Variants in HIBCH observed in about 807,000 individuals in gnomAD.
HIBCH encodes 3-hydroxyisobutyryl-CoA hydrolase, mitochondrial.
A neutral mutation model predicts 58.2 loss-of-function variants in HIBCH; 50 were observed. The ratio of observed to expected loss-of-function variants is 0.86; its 90% confidence interval spans 0.68 to 1.09. The LOEUF is 1.09. Ranked by LOEUF, HIBCH falls within the 50% of genes least tolerant of loss-of-function variation. The probability of loss-of-function intolerance (pLI) is 0.00; values close to 1 mark genes in which losing one functional copy is unlikely to be tolerated. For missense variants in HIBCH, 450 were observed against 449.7 expected, an observed-to-expected ratio of 1.00 and a Z score of -0.01; for synonymous variants, 151 against 146.9, an observed-to-expected ratio of 1.03 and a Z score of -0.20.
At chr2:190,308,398 T>C (rs1378355810) in intron 2 of HIBCH, among the ~76,000 whole-genome samples, 1 of 152,240 alleles carries the variant, frequency 6.6e-6, no homozygotes, top group Non-Finnish European at 1.5e-5. Context: ...ATCCACACTG[T>C]GGCAATACTA....
intron 10 of HIBCH, among the ~76,000 whole-genome samples, chr2:190,245,811 G>A (rs537692307): frequency 1.4e-4 from 21 of 152,180 alleles, no homozygotes; most frequent in Non-Finnish European, 2.4e-4. Context: ...CCAACATGGC[G>A]AAACCCTGTC....
At chr2:190,308,256 A>C (rs546632502) in intron 2 of HIBCH, among the ~76,000 whole-genome samples, 1 of 152,140 alleles carries the variant, frequency 6.6e-6, no homozygotes, top group Admixed American at 6.5e-5. Flanking sequence ...CTTATGTCTG[A>C]GTCACTGACA....
intron 9 of HIBCH, among the ~76,000 whole-genome samples, chr2:190,248,383 G>A (rs1686670998): frequency 6.6e-6 from 1 of 152,084 alleles, no homozygotes; most frequent in Admixed American, 6.5e-5. Context: ...GGATGCAGCG[G>A]TTCTGCAAGC....
At chr2:190,275,549 C>T (rs1687525007) in intron 6 of HIBCH, among the ~76,000 whole-genome samples, 1 of 152,020 alleles carries the variant, frequency 6.6e-6, no homozygotes. Context: ...CCTATCAGAG[C>T]AATATGAATT....
rs180919961 is a variant in HIBCH at position 190,259,080 on chromosome 2, G to C, written c.517+2076C>G. 3.0e-3 allele frequency among the ~76,000 whole-genome samples: 463 copies of C among 152,188 alleles called. 1 individual carries two copies. Among genetic ancestry groups the C allele is most frequent in the Non-Finnish European group, 4.7e-3 (319 of 67,994 alleles). On this transcript the variant is annotated intron_variant, in intron 7 of 13. Transcript: ENST00000359678. ...CTCTAGCTTTGTTCTTTTTGCTTAA[G>C]ATTATCTTGGCTATTTGCAGTCTTC...
At position 190,211,659 on chromosome 2, in the gene HIBCH, T is replaced by C. The variant is rs976044825; in HGVS notation, c.1011+1297A>G. On this transcript the variant is annotated intron_variant, in intron 12 of 13. Transcript: ENST00000359678. The surrounding 1 kb of genome is among the most constrained non-coding windows in gnomAD (Gnocchi z 5.0). ...TTCCCATTGCCCCCCAACTCCCTCC[T>C]GTCCCTGCATAATCTCTTCTATCAC... Among the ~76,000 whole-genome samples, 1 of 152,334 alleles carries C rather than the reference T, an allele frequency of 6.6e-6. No individual in the cohort carries two copies. Among genetic ancestry groups the C allele is most frequent in the Middle Eastern group, 3.4e-3 (1 of 294 alleles).
In HIBCH at chr2:190,265,122, C is replaced by CAA. The variant is rs1167140474; in HGVS notation, c.439-3890_439-3889dup. Among the ~76,000 whole-genome samples the CAA allele has an allele frequency of 3.7e-3, 209 of 56,272 alleles. 16 individuals carry two copies. Among genetic ancestry groups the CAA allele is most frequent in the Non-Finnish European group, 5.4e-3 (156 of 28,936 alleles). 36.9% of individuals were successfully genotyped at this position (56,272 alleles called of 152,430 possible). A position where few individuals can be genotyped will look rare whatever the true frequency, so the allele number is the denominator to read the frequency against. On this transcript the variant is annotated intron_variant, in intron 6 of 13. Transcript: ENST00000359678. ...TGGAGGACAGAGCAAGACTCCGTCT[C>CAA]AAAAAAAAAAAAAAAAAAAAAAAAA...
chr2:190,246,274 A>G (rs760722902), intron 9 of HIBCH, 62 bp from the exon 10 acceptor site: 1 of 880,146 alleles, frequency 1.1e-6, no homozygotes, highest in Non-Finnish European at 1.8e-6. Context: ...TTAAAAATTC[A>G]TATTTAATGA....
chr2:190,310,885 C>G lies in HIBCH; in HGVS notation c.36-89G>C, dbSNP rs910300065. 29 of 931,080 alleles carry G rather than the reference C, an allele frequency of 3.1e-5. No homozygotes were observed. The East Asian group carries it at 6.3e-4, about 20-fold the overall frequency. 57.7% of individuals were successfully genotyped at this position (931,080 alleles called of 1,614,324 possible). ...AGTATATCACCTTTTGTTTCAGCCTCTTCTAAAAGGTATTACCAGAACAAA... is the reference window on the plus strand; with the variant it reads ...AGTATATCACCTTTTGTTTCAGCCTGTTCTAAAAGGTATTACCAGAACAAA... On this transcript the variant is annotated intron_variant, in intron 1 of 13. Transcript: ENST00000359678.
At chr2:190,212,918 T>C (rs1690544880) in intron 12 of HIBCH, 38 bp downstream of exon 12, 2 of 1,563,040 alleles carry the variant, frequency 1.3e-6, no homozygotes, top group Non-Finnish European at 1.8e-6. Context: ...ATGTTACTTT[T>C]AGAACTAAAA....
At chr2:190,318,562 T>A (rs549603540) in intron 1 of HIBCH, among the ~76,000 whole-genome samples, 1 of 152,156 alleles carries the variant, frequency 6.6e-6, no homozygotes, top group Admixed American at 6.5e-5. Flanking sequence ...GCCCCCAAAA[T>A]GGTCCTGGCC....
chr2:190,268,540 AC>A (rs1343778002), intron 6 of HIBCH, among the ~76,000 whole-genome samples: 1 of 152,158 alleles, frequency 6.6e-6, no homozygotes, highest in Non-Finnish European at 1.5e-5. Flanking sequence ...TAATTAAGAA[AC>A]CTAGCTAGAT....
At chr2:190,295,806 G>A (rs927332484) in intron 3 of HIBCH, among the ~76,000 whole-genome samples, 1 of 152,148 alleles carries the variant, frequency 6.6e-6, no homozygotes, top group African/African-American at 2.4e-5. Context: ...AGAAACATAA[G>A]AATGGAAGAC....
At chr2:190,305,341 A>G (rs1399659987) in intron 2 of HIBCH, among the ~76,000 whole-genome samples, 2 of 152,190 alleles carry the variant, frequency 1.3e-5, no homozygotes, top group Non-Finnish European at 2.9e-5. Flanking sequence ...TCAAGGGGTC[A>G]GCAGGGCAAT....
chr2:190,263,015 A>G (rs1687135719), intron 6 of HIBCH, among the ~76,000 whole-genome samples: 1 of 152,186 alleles, frequency 6.6e-6, no homozygotes, highest in Admixed American at 6.5e-5. Context: ...ATAAAACCCT[A>G]ATGGCAGATT....
chr2:190,254,757 T>C lies in HIBCH; in HGVS notation c.518-2450A>G, dbSNP rs1052476350. Among the ~76,000 whole-genome samples the C allele has an allele frequency of 6.6e-6, 1 of 152,140 alleles. No individual in the cohort carries two copies. The highest frequency in any genetic ancestry group is 2.4e-5 in the African/African-American group (1 of 41,422). On this transcript the variant is annotated intron_variant, in intron 7 of 13. Coordinates refer to ENST00000359678, the MANE Select transcript of HIBCH (RefSeq NM_014362.4). The surrounding 1 kb of genome is among the most constrained non-coding windows in gnomAD (Gnocchi z 5.0). The stretch of plus-strand genomic sequence containing the variant: ...AGCCCAAAACATGTTTCAAATCTAT[T>C]CACTCTTTTCAACTCTATACCTCCA...
At chr2:190,274,992 T>A (rs2582773) in intron 6 of HIBCH, among the ~76,000 whole-genome samples, 1 of 152,056 alleles carries the variant, frequency 6.6e-6, no homozygotes, top group Non-Finnish European at 1.5e-5. Context: ...CTCAAAATAA[T>A]CTGCTCAAAA....
intron 1 of HIBCH, among the ~76,000 whole-genome samples, chr2:190,195,126 T>C (rs1689908344): frequency 6.6e-6 from 1 of 152,184 alleles, no homozygotes; most frequent in African/African-American, 2.4e-5. Flanking sequence ...CCTCCCAAAG[T>C]GCTGGGATTG....
intron 4 of HIBCH, among the ~76,000 whole-genome samples, chr2:190,292,590 C>T (rs925514278): frequency 3.3e-5 from 5 of 152,226 alleles, no homozygotes; most frequent in East Asian, 1.9e-4. Context: ...AGATTACAGG[C>T]GTTAGCCTCT....
Sources: gnomAD v4.1 joint callset for allele counts (sites outside exome capture counted in the v4.1 genomes callset) on GRCh38, gnomAD v4.1.1 for gene constraint, Gnocchi (gnomAD v3.1) non-coding constraint, MANE v1.5 for transcripts, NCBI Gene and HGNC (gene_info 2026-07-23, HGNC 2026-07-21) for gene names.